The following EFEMP1 variants were observed in gnomAD, a reference collection of about 807,000 sequenced individuals.
The protein encoded by EFEMP1 is EGF-like fibulin extracellular matrix protein 1, also known as EGF-containing fibulin-like extracellular matrix protein 1.
In EFEMP1, 18 loss-of-function variants were observed where a neutral mutation model predicts 65.7. The observed-to-expected ratio is 0.27, with a 90% CI of 0.19 to 0.41. EFEMP1 has a LOEUF of 0.41. EFEMP1 is among the 10% of genes least tolerant of loss of function. EFEMP1 has a pLI of 1.00. For synonymous variants in EFEMP1, 237 were observed against 219.7 expected (o/e 1.08, Z -0.70); for missense variants, 469 against 624.8 (o/e 0.75, Z 2.66).
rs762613133 is a variant in EFEMP1, at chr2:55,871,003, T to C, written c.1121A>G (p.Glu374Gly). 3.7e-6 allele frequency: 6 copies of C among 1,613,762 alleles called. No individual in the cohort carries two copies. The highest frequency in any genetic ancestry group is 5.1e-6 in the Non-Finnish European group (6 of 1,179,796). The change falls in exon 10 of 12, where the codon GAG becomes GGG. Residue 374 changes from glutamate to glycine, a missense_variant. Coordinates refer to ENST00000355426, the MANE Select transcript of EFEMP1 (RefSeq NM_001039348.3). This position sits in a 1 kb window ranked among gnomAD's most constrained non-coding sequence, Gnocchi z 4.2. ...PCQDPYILTPENRCVCPVSNA... is the reference protein window; with the variant it reads ...PCQDPYILTPGNRCVCPVSNA... ...CAAAAGTTCTGATTTTTCTTACTTC[T>C]CTGGTGTTAGAATGTAGGGATCTTG...
At position 55,919,194 on chromosome 2, in the gene EFEMP1, G is replaced by T. The variant is rs1032859369; in HGVS notation, c.82-927C>A. On this transcript the variant is annotated intron_variant, in intron 3 of 11. Transcript: ENST00000355426. This position sits in a 1 kb window ranked among gnomAD's most constrained non-coding sequence, Gnocchi z 4.5. Reference sequence around the variant, plus strand: ...TTTTGAAAAGGGAAGGAGCTGCAAGGAGTTCTGGGTAGGTGGAGGATGAGG... The same window carrying T: ...TTTTGAAAAGGGAAGGAGCTGCAAGTAGTTCTGGGTAGGTGGAGGATGAGG... 6.6e-6 allele frequency among the ~76,000 whole-genome samples: 1 copy of T among 152,214 alleles called. No homozygotes were observed. The highest frequency in any genetic ancestry group is 1.5e-5 in the Non-Finnish European group (1 of 68,040).
intron 5 of EFEMP1, among the ~76,000 whole-genome samples, chr2:55,896,430 A>G (rs1162883246): frequency 6.6e-6 from 1 of 152,350 alleles, no homozygotes; most frequent in South Asian, 2.1e-4. Flanking sequence ...TTCTATGTGG[A>G]GAAAAACTAG....
intron 5 of EFEMP1, among the ~76,000 whole-genome samples, chr2:55,916,399 C>T (rs1157812071): frequency 6.6e-6 from 1 of 152,294 alleles, no homozygotes; most frequent in African/African-American, 2.4e-5. Flanking sequence ...CGTGAGCCAC[C>T]GTGCCCAGCC....
chr2:55,918,459 CG>C (rs1415103237), intron 3 of EFEMP1, among the ~76,000 whole-genome samples, 192 bp from the exon 4 acceptor site: 2 of 152,050 alleles, frequency 1.3e-5, no homozygotes, highest in Non-Finnish European at 2.9e-5. Flanking sequence ...TGGACAGCTT[CG>C]GGGGTCCATT....
intron 5 of EFEMP1, 79 bp from the exon 6 acceptor site, chr2:55,881,813 CT>C: frequency 6.4e-7 from 1 of 1,558,364 alleles, no homozygotes; most frequent in South Asian, 1.1e-5. Context: ...ACTTCTTAAG[CT>C]AAATTTTTAC....
chr2:55,898,572 C>A (rs1203321958), intron 5 of EFEMP1, among the ~76,000 whole-genome samples: 1 of 152,070 alleles, frequency 6.6e-6, no homozygotes, highest in South Asian at 2.1e-4. Context: ...CTAATGCTCC[C>A]CACCTCAGTC....
intron 9 of EFEMP1, among the ~76,000 whole-genome samples, chr2:55,872,287 A>G (rs1668839690): frequency 6.6e-6 from 1 of 152,126 alleles, no homozygotes; most frequent in African/African-American, 2.4e-5. Context: ...GTGCTGGGAT[A>G]TGATCTCTTT....
rs2104398481 is a variant in EFEMP1, at chr2:55,885,432, T to C, written c.518-3698A>G. ...TAAAGGCAGGATTAGAGAGTCTGGATTGAACAACATAAGGAGTCTCTCTGA... is the reference window on the plus strand; with the variant it reads ...TAAAGGCAGGATTAGAGAGTCTGGACTGAACAACATAAGGAGTCTCTCTGA... On this transcript the variant is annotated intron_variant, in intron 5 of 11. Transcript: ENST00000355426. The surrounding 1 kb of genome is among the most constrained non-coding windows in gnomAD (Gnocchi z 4.3). Among the ~76,000 whole-genome samples the C allele has an allele frequency of 6.6e-6, 1 of 152,322 alleles. No homozygotes were observed. The highest frequency in any genetic ancestry group is 2.4e-5 in the African/African-American group (1 of 41,572).
rs1668919211 is a variant in EFEMP1 at position 55,873,880 on chromosome 2, C to G, written c.1000+1066G>C. On this transcript the variant is annotated intron_variant, in intron 9 of 11. Coordinates refer to ENST00000355426, the MANE Select transcript of EFEMP1 (RefSeq NM_001039348.3). The surrounding 1 kb of genome is among the most constrained non-coding windows in gnomAD (Gnocchi z 4.6). ...CTTTCCTTGATCTTTCTTTTCTTAA[C>G]AGGATCTTTATTGTCCTTGTGTGCC... Among the ~76,000 whole-genome samples the G allele has an allele frequency of 6.6e-6, 1 of 151,978 alleles. No individual in the cohort carries two copies. The highest frequency in any genetic ancestry group is 1.5e-5 in the Non-Finnish European group (1 of 67,934).
chr2:55,913,213 C>T (rs1221560633), intron 5 of EFEMP1, among the ~76,000 whole-genome samples: 1 of 152,148 alleles, frequency 6.6e-6, no homozygotes, highest in Non-Finnish European at 1.5e-5. Context: ...GCTCAACCAT[C>T]CTATTTGCCT....
rs1668616597 is a variant in EFEMP1 at position 55,867,326 on chromosome 2, G to A, written c.1321-92C>T. The A allele has an allele frequency of 4.2e-6, 6 of 1,421,058 alleles. No homozygotes were observed. The highest frequency in any genetic ancestry group is 5.7e-6 in the Non-Finnish European group (6 of 1,043,712). The allele number at this position is 1,421,058 out of a possible 1,614,324, so 88.0% of individuals were successfully genotyped here. ...TAGTATACCTCCTATAAGAATTAGG[G>A]GGAGAATTTTGAAGGTGGTATAAAA... On this transcript the variant is annotated intron_variant, in intron 11 of 11. Coordinates refer to ENST00000355426, the MANE Select transcript of EFEMP1 (RefSeq NM_001039348.3). This position sits in a 1 kb window ranked among gnomAD's most constrained non-coding sequence, Gnocchi z 4.3.
At chr2:55,915,294 G>T (rs1054617339) in intron 5 of EFEMP1, among the ~76,000 whole-genome samples, 2 of 152,036 alleles carry the variant, frequency 1.3e-5, no homozygotes, top group Non-Finnish European at 2.9e-5. Context: ...ACAGTCAACA[G>T]GTATGTATTT....
In EFEMP1 at chr2:55,871,260, C is replaced by A; in HGVS notation, c.1001-137G>T. The stretch of plus-strand genomic sequence containing the variant: ...ACTGTGTTCAACCTGCTTTTAGACA[C>A]AAGACTGGGTGTTCATTGTATTGAA... On this transcript the variant is annotated intron_variant, in intron 9 of 11. Coordinates refer to ENST00000355426, the MANE Select transcript of EFEMP1 (RefSeq NM_001039348.3). This position sits in a 1 kb window ranked among gnomAD's most constrained non-coding sequence, Gnocchi z 4.2. 1 of 1,164,984 alleles carries A rather than the reference C, an allele frequency of 8.6e-7. No individual in the cohort carries two copies. Among genetic ancestry groups the A allele is most frequent in the Admixed American group, 1.9e-5 (1 of 52,952 alleles). The allele number at this position is 1,164,984 out of a possible 1,614,324, so 72.2% of individuals were successfully genotyped here. A position where few individuals can be genotyped will look rare whatever the true frequency, so the allele number is the denominator to read the frequency against.
chr2:55,899,454 A>C (rs980336073), intron 5 of EFEMP1, among the ~76,000 whole-genome samples: 1 of 152,208 alleles, frequency 6.6e-6, no homozygotes, highest in Non-Finnish European at 1.5e-5. Context: ...GTGCAGACTT[A>C]AGGGTATATA....
chr2:55,869,717 G>A (rs1054012624), intron 11 of EFEMP1, among the ~76,000 whole-genome samples: 14 of 152,058 alleles, frequency 9.2e-5, no homozygotes, highest in Admixed American at 2.0e-4. Context: ...TAAAAATAAA[G>A]AGTGCCCAAA....
chr2:55,897,989 C>G (rs554732179), intron 5 of EFEMP1, among the ~76,000 whole-genome samples: 17 of 152,296 alleles, frequency 1.1e-4, no homozygotes, highest in Non-Finnish European at 2.5e-4. Context: ...TGCAGGGTGA[C>G]TGCCTTAAAC....
At chr2:55,909,085 G>A (rs1355260951) in intron 5 of EFEMP1, among the ~76,000 whole-genome samples, 4 of 152,154 alleles carry the variant, frequency 2.6e-5, no homozygotes, top group African/African-American at 9.7e-5. Context: ...GGACAGGACA[G>A]TCTCTTTTAA....
intron 5 of EFEMP1, among the ~76,000 whole-genome samples, chr2:55,889,491 C>T (rs188741313): frequency 2.0e-5 from 3 of 152,190 alleles, no homozygotes; most frequent in Admixed American, 2.0e-4. Context: ...CTCCATATGC[C>T]TCAGGGCCCT....
chr2:55,918,440 T>G (rs1225179865), intron 3 of EFEMP1, among the ~76,000 whole-genome samples, 173 bp from the exon 4 acceptor site: 2 of 152,114 alleles, frequency 1.3e-5, no homozygotes, highest in Non-Finnish European at 2.9e-5. Context: ...AAAAGACAAG[T>G]CTGTGCATTG....
Sources: allele counts gnomAD v4.1 joint callset (sites outside exome capture counted in the v4.1 genomes callset), GRCh38; gene constraint gnomAD v4.1.1; non-coding constraint Gnocchi (gnomAD v3.1); transcripts MANE v1.5; gene names NCBI Gene and HGNC (gene_info 2026-07-23, HGNC 2026-07-21).